ABCB1: variants seen among roughly 807,000 people sequenced by gnomAD.
The protein encoded by ABCB1 is ATP-dependent translocase ABCB1.
Under a neutral mutation model 142.0 loss-of-function variants are expected in ABCB1, and 69 were observed. The ratio of observed to expected loss-of-function variants is 0.49; its 90% CI spans 0.40 to 0.59. The LOEUF is 0.59. Ranked by LOEUF, ABCB1 falls within the 20% of genes least tolerant of loss-of-function variation. The pLI is 0.00. For missense variants in ABCB1, 1,326 were observed against 1,554.7 expected, an observed-to-expected ratio of 0.85 and a Z score of 2.47; for synonymous variants, 532 against 539.2, an observed-to-expected ratio of 0.99 and a Z score of 0.18.
In ABCB1 at chr7:87,531,232, A is replaced by G. The variant is rs1816041891; in HGVS notation, c.2685+62T>C. On this transcript the variant is annotated intron_variant, in intron 21 of 27. Coordinates refer to ENST00000622132, the MANE Select transcript of ABCB1 (RefSeq NM_001348946.2). ...CATAGTAAGCAGTAGGGAGTAACAAAATAACACTGATTAGAATACTTTACT... is the reference window on the plus strand; with the variant it reads ...CATAGTAAGCAGTAGGGAGTAACAAGATAACACTGATTAGAATACTTTACT... 2.1e-6 allele frequency: 3 copies of G among 1,436,352 alleles called. No individual in the cohort carries two copies. The South Asian group carries it at 3.4e-5, about 16-fold the overall frequency. 89.0% of individuals were successfully genotyped at this position (1,436,352 alleles called of 1,614,324 possible). A position where few individuals can be genotyped will look rare whatever the true frequency, so the allele number is the denominator to read the frequency against.
chr7:87,565,399 T>A, intron 7 of ABCB1: 1 of 426,426 alleles, frequency 2.3e-6, no homozygotes, highest in Non-Finnish European at 4.6e-6. Context: ...AAATGGAAAA[T>A]AAGTTTTAAA....
chr7:87,515,494 T>G (rs552400971), intron 24 of ABCB1, 66 bp from the exon 25 acceptor site: 61 of 1,429,112 alleles, frequency 4.3e-5, no homozygotes, highest in Middle Eastern at 3.5e-4. Flanking sequence ...TATAGCTAAC[T>G]CTCTCGATTA....
Position 87,649,940 on chromosome 7 carries a change from A to G in ABCB1, c.-330-48862T>C, listed in dbSNP as rs531495911. ...CTTTACTCTTCCTTCATCTTCTGCC[A>G]TAATTGTGAGGCCTTCCCAGCCATG... On this transcript the variant is annotated intron_variant, in intron 1 of 28. Coordinates refer to the ABCB1 transcript ENST00000265724. Among the ~76,000 whole-genome samples the G allele has an allele frequency of 6.0e-4, 91 of 152,322 alleles. 1 individual carries two copies. The highest frequency in any genetic ancestry group is 2.1e-3 in the African/African-American group (86 of 41,570).
chr7:87,586,520 C>A (rs1818768281), intron 3 of ABCB1, among the ~76,000 whole-genome samples: 1 of 152,084 alleles, frequency 6.6e-6, no homozygotes, highest in African/African-American at 2.4e-5. Flanking sequence ...ATGGATAAAT[C>A]CCAGGGCAGA....
chr7:87,531,727 A>G (rs927018364), intron 20 of ABCB1: 1 of 508,016 alleles, frequency 2.0e-6, no homozygotes, highest in Non-Finnish European at 3.5e-6. Context: ...ACATATTCCT[A>G]TCTCTTTGGA....
chr7:87,673,283 A>G (rs1826011975), intron 1 of ABCB1, among the ~76,000 whole-genome samples: 1 of 152,054 alleles, frequency 6.6e-6, no homozygotes, highest in Non-Finnish European at 1.5e-5. Flanking sequence ...GGTTGGGGAC[A>G]TTTTCATGGT....
chr7:87,530,838 CAAGAAAGA>C lies in ABCB1; in HGVS notation c.2685+448_2685+455del, dbSNP rs1217650542. 7.3e-3 allele frequency among the ~76,000 whole-genome samples: 517 copies of C among 71,226 alleles called. 3 individuals carry two copies. The highest frequency in any genetic ancestry group is 0.013 in the Admixed American group (74 of 5,820). The allele number at this position is 71,226 out of a possible 152,430, so 46.7% of individuals were successfully genotyped here. A position where few individuals can be genotyped will look rare whatever the true frequency, so the allele number is the denominator to read the frequency against. On this transcript the variant is annotated intron_variant, in intron 21 of 27. Coordinates refer to ENST00000622132, the MANE Select transcript of ABCB1 (RefSeq NM_001348946.2). The stretch of plus-strand genomic sequence containing the variant: ...GCAAGAAAGCAAGAAAGCAAGAAAG[CAAGAAAGA>C]AAGAAAGAAAGAAAGAAAGAAAGAA...
intron 1 of ABCB1, among the ~76,000 whole-genome samples, chr7:87,616,701 C>T (rs1406588500): frequency 2.0e-5 from 3 of 152,132 alleles, no homozygotes; most frequent in Non-Finnish European, 2.9e-5. Context: ...TCATTATTAT[C>T]CCAACCTTAG....
At chr7:87,526,889 C>G (rs566556743) in intron 21 of ABCB1, among the ~76,000 whole-genome samples, 1 of 152,112 alleles carries the variant, frequency 6.6e-6, no homozygotes, top group African/African-American at 2.4e-5. Flanking sequence ...CATCCTAAAC[C>G]GGATTGCATT....
intron 1 of ABCB1, among the ~76,000 whole-genome samples, chr7:87,643,893 CTT>C (rs1428745897): frequency 6.6e-6 from 1 of 150,426 alleles, no homozygotes; most frequent in Non-Finnish European, 1.5e-5. Context: ...TGTTTCCGCT[CTT>C]TCACCCAGGC....
chr7:87,695,368 C>T (rs1828408732), intron 1 of ABCB1, among the ~76,000 whole-genome samples: 1 of 152,056 alleles, frequency 6.6e-6, no homozygotes, highest in Non-Finnish European at 1.5e-5. Context: ...TAATATTAAA[C>T]TGGCTTTTAT....
intron 19 of ABCB1, among the ~76,000 whole-genome samples, chr7:87,538,697 G>A (rs2117150857): frequency 6.6e-6 from 1 of 152,268 alleles, no homozygotes; most frequent in African/African-American, 2.4e-5. Context: ...CATTTCCCCA[G>A]GAAAACATTC....
At chr7:87,583,307 C>T (rs1395193372) in intron 4 of ABCB1, among the ~76,000 whole-genome samples, 1 of 152,120 alleles carries the variant, frequency 6.6e-6, no homozygotes, top group Admixed American at 6.6e-5. Context: ...ATTCCCTAAA[C>T]CTCAAAATTA....
intron 17 of ABCB1, among the ~76,000 whole-genome samples, 199 bp from the exon 18 acceptor site, chr7:87,541,663 C>A (rs1816545441): frequency 6.6e-6 from 1 of 152,212 alleles, no homozygotes; most frequent in African/African-American, 2.4e-5. Flanking sequence ...GTCTATCATT[C>A]ATAAATTGAT....
At chr7:87,554,085 T>C (rs118072849) in intron 8 of ABCB1, among the ~76,000 whole-genome samples, 153 bp from the exon 9 acceptor site, 1 of 152,336 alleles carries the variant, frequency 6.6e-6, no homozygotes, top group East Asian at 1.9e-4. Context: ...AGTAGTACTG[T>C]TTTACTCCCT....
At chr7:87,545,238 A>G (rs1816723787) in intron 15 of ABCB1, among the ~76,000 whole-genome samples, 2 of 152,228 alleles carry the variant, frequency 1.3e-5, no homozygotes, top group Admixed American at 1.3e-4. Context: ...ATAATCTGGC[A>G]TTCATTCCAT....
chr7:87,568,161 C>A (rs1332346765), intron 5 of ABCB1, among the ~76,000 whole-genome samples: 1 of 149,002 alleles, frequency 6.7e-6, no homozygotes, highest in South Asian at 2.1e-4. Context: ...TTCGGGAGGC[C>A]AAGGTGGGCG....
At chr7:87,625,983 T>C (rs923576908) in intron 1 of ABCB1, among the ~76,000 whole-genome samples, 1 of 146,414 alleles carries the variant, frequency 6.8e-6, no homozygotes, top group Non-Finnish European at 1.5e-5. Flanking sequence ...TATATATATA[T>C]ATATGTACAT....
chr7:87,650,132 C>G (rs1049993924), intron 1 of ABCB1, among the ~76,000 whole-genome samples: 1 of 152,148 alleles, frequency 6.6e-6, no homozygotes, highest in Admixed American at 6.5e-5. Context: ...GCATTTGAGT[C>G]TGCAGCTCAA....
Sources: allele counts gnomAD v4.1 joint callset (sites outside exome capture counted in the v4.1 genomes callset), GRCh38; gene constraint gnomAD v4.1.1; transcripts MANE v1.5; gene names NCBI Gene and HGNC (gene_info 2026-07-23, HGNC 2026-07-21).